Variants in SLC16A12 observed in about 807,000 individuals in gnomAD.
SLC16A12 encodes the protein monocarboxylate transporter 12.
A neutral mutation model predicts 42.4 loss-of-function variants in SLC16A12; 17 were observed. The ratio of observed to expected loss-of-function variants is 0.40; its 90% CI spans 0.27 to 0.60. The LOEUF is 0.60. Ranked by LOEUF, SLC16A12 falls within the 20% of genes least tolerant of loss-of-function variation. SLC16A12 has a pLI of 0.42. For synonymous variants in SLC16A12, 224 were observed against 229.4 expected (o/e 0.98, Z 0.21); for missense variants, 544 against 623.0 (o/e 0.87, Z 1.35).
chr10:89,506,164 G>A (rs1302229172), intron 2 of SLC16A12, among the ~76,000 whole-genome samples: 3 of 152,164 alleles, frequency 2.0e-5, no homozygotes, highest in Non-Finnish European at 4.4e-5. Context: ...AGACTTAAAC[G>A]TCCCTGCCTG....
At chr10:89,537,661 G>C (rs150830837), upstream of SLC16A12, among the ~76,000 whole-genome samples, 5 of 152,300 alleles carry the variant, frequency 3.3e-5, no homozygotes, top group East Asian at 9.7e-4. Flanking sequence ...GAATACCTTT[G>C]AGTTTCAGAA....
intron 2 of SLC16A12, among the ~76,000 whole-genome samples, chr10:89,470,219 T>C (rs1842471467): frequency 1.3e-5 from 2 of 152,120 alleles, no homozygotes; most frequent in African/African-American, 4.8e-5. Context: ...AAAGGGAAAG[T>C]AGAAGCCTAC....
rs562506494 is a variant in SLC16A12, at chr10:89,542,451, C to T, written c.-47+13431G>A. Reference sequence around the variant, plus strand: ...CTGAGTAACTGGGACTACAGGCATGCACCACCACGTCTGGGTAATCTTTGT... The same window carrying T: ...CTGAGTAACTGGGACTACAGGCATGTACCACCACGTCTGGGTAATCTTTGT... On this transcript the variant is annotated intron_variant, in intron 2 of 2. Coordinates refer to the SLC16A12 transcript ENST00000475682. Among the ~76,000 whole-genome samples the T allele has an allele frequency of 3.7e-4, 57 of 152,066 alleles. 2 individuals are homozygous for T. Among genetic ancestry groups the T allele is most frequent in the African/African-American group, 1.3e-3 (56 of 41,492 alleles).
chr10:89,549,116 G>A (rs1031251822), intron 2 of SLC16A12, among the ~76,000 whole-genome samples: 1 of 152,078 alleles, frequency 6.6e-6, no homozygotes, highest in African/African-American at 2.4e-5. Context: ...CTTTGTTTGG[G>A]GCTGATTTAC....
chr10:89,452,847 C>A (rs182386898), intron 3 of SLC16A12, among the ~76,000 whole-genome samples: 1 of 152,226 alleles, frequency 6.6e-6, no homozygotes, highest in Non-Finnish European at 1.5e-5. Flanking sequence ...CCCTGATGCA[C>A]GTCCTCAATC....
chr10:89,478,368 C>T (rs1046110818), intron 2 of SLC16A12, among the ~76,000 whole-genome samples: 6 of 152,172 alleles, frequency 3.9e-5, no homozygotes, highest in African/African-American at 1.4e-4. Context: ...TTTTCAGCCT[C>T]CCAGGTCAGA....
intron 3 of SLC16A12, among the ~76,000 whole-genome samples, chr10:89,445,563 A>C (rs1841987362): frequency 6.6e-6 from 1 of 152,238 alleles, no homozygotes; most frequent in Non-Finnish European, 1.5e-5. Context: ...CATCAACGTC[A>C]ACAAAAAGGA....
intron 6 of SLC16A12, among the ~76,000 whole-genome samples, chr10:89,437,451 T>C (rs1841820786): frequency 6.6e-6 from 1 of 152,014 alleles, no homozygotes; most frequent in African/African-American, 2.4e-5. Flanking sequence ...ATAGAGATCA[T>C]TGTGGATCTG....
intron 7 of SLC16A12, among the ~76,000 whole-genome samples, chr10:89,434,579 GT>G (rs1445667881): frequency 1.3e-5 from 2 of 152,166 alleles, no homozygotes; most frequent in African/African-American, 4.8e-5. Flanking sequence ...CTAGTTTGCT[GT>G]TTTTATTCCA....
chr10:89,435,193 T>C (rs1194829946), intron 7 of SLC16A12, among the ~76,000 whole-genome samples: 1 of 152,240 alleles, frequency 6.6e-6, no homozygotes, highest in Admixed American at 6.5e-5. Context: ...CTAAAGCTCA[T>C]ATTTCATCTT....
At chr10:89,531,347 C>T (rs192303603) in intron 2 of SLC16A12, among the ~76,000 whole-genome samples, 25 of 152,050 alleles carry the variant, frequency 1.6e-4, no homozygotes, top group Admixed American at 3.9e-4. Flanking sequence ...TGCAGTGAGT[C>T]GAAATACACC....
intron 2 of SLC16A12, among the ~76,000 whole-genome samples, chr10:89,492,620 T>C (rs1842863483): frequency 6.6e-6 from 1 of 151,928 alleles, no homozygotes; most frequent in African/African-American, 2.4e-5. Context: ...AACACAAGAG[T>C]GCGATGGTGC....
intron 2 of SLC16A12, among the ~76,000 whole-genome samples, chr10:89,504,761 G>C (rs1843034820): frequency 6.6e-6 from 1 of 152,170 alleles, no homozygotes; most frequent in African/African-American, 2.4e-5. Context: ...GGGGAGGAAG[G>C]TGGATGAGAG....
intron 2 of SLC16A12, among the ~76,000 whole-genome samples, chr10:89,483,744 A>AC (rs1348541108): frequency 6.7e-6 from 1 of 149,716 alleles, no homozygotes; most frequent in Non-Finnish European, 1.5e-5. Flanking sequence ...CCTCTAAAAA[A>AC]AAAAAAAAAC....
intron 2 of SLC16A12, among the ~76,000 whole-genome samples, chr10:89,502,120 T>C (rs1589710485): frequency 1.3e-5 from 2 of 152,210 alleles, no homozygotes; most frequent in Non-Finnish European, 2.9e-5. Context: ...TAGGGTAGTA[T>C]ACAGCACAAT....
chr10:89,516,236 A>G lies in SLC16A12; in HGVS notation c.-47+18265T>C, dbSNP rs536143100. ...GATGTATCCCTATCACCAAGAGCGGAACTTAAGTATCTATGGAATGGTGAG... is the reference window on the plus strand; with the variant it reads ...GATGTATCCCTATCACCAAGAGCGGGACTTAAGTATCTATGGAATGGTGAG... On this transcript the variant is annotated intron_variant, in intron 2 of 7. Transcript: ENST00000371790. 2.0e-5 allele frequency among the ~76,000 whole-genome samples: 3 copies of G among 152,196 alleles called. No homozygotes were observed. The South Asian group carries it at 6.2e-4, about 32-fold the overall frequency.
intron 1 of SLC16A12, 33 bp from the exon 2 acceptor site, chr10:89,534,673 C>CAAAAAAAAAAAA (rs1196402951): frequency 1.6e-5 from 2 of 122,722 alleles, no homozygotes; most frequent in African/African-American, 3.2e-5. Context: ...AAAAAAAAAT[C>CAAAAAAAAAAAA]CAAAAATTAG....
intron 3 of SLC16A12, among the ~76,000 whole-genome samples, chr10:89,445,790 A>G (rs80070002): frequency 6.6e-6 from 1 of 152,308 alleles, no homozygotes; most frequent in African/African-American, 2.4e-5. Context: ...TCAGAAGGTC[A>G]GTACTAACAA....
chr10:89,496,804 C>T (rs766867427), intron 2 of SLC16A12, among the ~76,000 whole-genome samples: 2 of 152,006 alleles, frequency 1.3e-5, no homozygotes, highest in East Asian at 1.9e-4. Flanking sequence ...TTTCAAAAGA[C>T]GTTATTAAGA....
Sources: gnomAD v4.1 joint callset for allele counts (sites outside exome capture counted in the v4.1 genomes callset) on GRCh38, gnomAD v4.1.1 for gene constraint, MANE v1.5 for transcripts, NCBI Gene and HGNC (gene_info 2026-07-23, HGNC 2026-07-21) for gene names.